Variants in FSIP1 observed in about 807,000 individuals in gnomAD.
The protein encoded by FSIP1 is fibrous sheath interacting protein 1, also known as fibrous sheath-interacting protein 1.
Under a neutral mutation model 60.9 loss-of-function variants are expected in FSIP1, and 65 were observed. That is an observed-to-expected ratio of 1.07 (90% confidence interval 0.87 to 1.31). The LOEUF (loss-of-function observed/expected upper bound fraction) is 1.31. Ranked by LOEUF, FSIP1 falls within the 40% of genes most tolerant of loss-of-function variation. The pLI is 0.00. For missense variants in FSIP1, 675 were observed against 665.5 expected (o/e 1.01, Z -0.16); for synonymous variants, 209 against 221.2 (o/e 0.94, Z 0.49).
chr15:39,756,240 TTTC>T (rs1372494907), intron 5 of FSIP1, among the ~76,000 whole-genome samples: 13 of 152,272 alleles, frequency 8.5e-5, no homozygotes, highest in Admixed American at 5.9e-4. Context: ...CCACAGTTAT[TTTC>T]TTCATTTATT....
In FSIP1 at chr15:39,690,680, G is replaced by A. The variant is rs376550395; in HGVS notation, c.1188+22764C>T. 3.3e-5 allele frequency among the ~76,000 whole-genome samples: 5 copies of A among 152,264 alleles called. 1 individual carries two copies. The highest frequency in any genetic ancestry group is 6.5e-5 in the Admixed American group (1 of 15,296). Reference sequence around the variant, plus strand: ...CTGCAGCTCCTGGTAAAACCATAGAGTTGTTACTTTTGTCCATTGCTGCCA... The same window carrying A: ...CTGCAGCTCCTGGTAAAACCATAGAATTGTTACTTTTGTCCATTGCTGCCA... On this transcript the variant is annotated intron_variant, in intron 10 of 11. Transcript: ENST00000350221.
At chr15:39,782,578 G>C (rs1157373953) in intron 1 of FSIP1, 50 bp downstream of exon 1, 2 of 146,242 alleles carry the variant, frequency 1.4e-5, no homozygotes, top group Non-Finnish European at 3.0e-5. Context: ...CCCACTCCTC[G>C]GCGCACCGCC....
At chr15:39,678,390 A>T (rs888589406) in intron 10 of FSIP1, among the ~76,000 whole-genome samples, 5 of 152,172 alleles carry the variant, frequency 3.3e-5, no homozygotes, top group African/African-American at 1.2e-4. Flanking sequence ...GGAAAAGGAA[A>T]ATACACAAAT....
chr15:39,662,838 TC>T (rs1372229178), intron 10 of FSIP1, among the ~76,000 whole-genome samples: 1 of 152,064 alleles, frequency 6.6e-6, no homozygotes, highest in East Asian at 1.9e-4. Context: ...GGCAAACAAT[TC>T]ACTTCTAATT....
chr15:39,604,177 C>T (rs1442540189), intron 11 of FSIP1, among the ~76,000 whole-genome samples: 1 of 152,200 alleles, frequency 6.6e-6, no homozygotes, highest in Non-Finnish European at 1.5e-5. Flanking sequence ...GTGATCTGCC[C>T]GCCTGGGCCT....
chr15:39,758,931 C>G (rs903879197), intron 5 of FSIP1, among the ~76,000 whole-genome samples: 2 of 151,892 alleles, frequency 1.3e-5, no homozygotes, highest in African/African-American at 4.8e-5. Flanking sequence ...GGGGAAATGA[C>G]AGATTATCCA....
At chr15:39,739,600 A>T (rs536753251) in intron 7 of FSIP1, 65 bp downstream of exon 7, 1 of 1,433,494 alleles carries the variant, frequency 7.0e-7, no homozygotes, top group African/African-American at 1.4e-5. Context: ...ACTGAACAAA[A>T]CTATTGCCAT....
chr15:39,653,438 C>G (rs1284314559), intron 10 of FSIP1, among the ~76,000 whole-genome samples: 3 of 152,020 alleles, frequency 2.0e-5, no homozygotes, highest in African/African-American at 7.2e-5. Context: ...TTTTTTAAAA[C>G]TTTTTTACTG....
intron 10 of FSIP1, among the ~76,000 whole-genome samples, chr15:39,653,938 T>G (rs562313593): frequency 6.6e-6 from 1 of 152,322 alleles, no homozygotes; most frequent in Admixed American, 6.5e-5. Flanking sequence ...TTTTTTACTT[T>G]TAAATGGTAC....
At position 39,618,173 on chromosome 15, in the gene FSIP1, A is replaced by AT. The variant is rs764007914; in HGVS notation, c.1260dup (p.Ser421IlefsTer4). ...CTTTCTGAAGAAAGTTTAATGATGG[A>AT]TTTTTGTTTAAGTATGCATTCATCC... On this transcript the variant is annotated frameshift_variant, in exon 11 of 12. Coordinates refer to ENST00000350221, the MANE Select transcript of FSIP1 (RefSeq NM_152597.5). LOFTEE classifies it high-confidence loss of function. 6.2e-5 allele frequency: 100 copies of AT among 1,613,866 alleles called. No homozygotes were observed. Among genetic ancestry groups the AT allele is most frequent in the Non-Finnish European group, 8.4e-5 (99 of 1,179,916 alleles).
At chr15:39,629,291 C>T (rs1170446194) in intron 10 of FSIP1, among the ~76,000 whole-genome samples, 3 of 152,228 alleles carry the variant, frequency 2.0e-5, no homozygotes, top group Admixed American at 6.5e-5. Context: ...TATCATCTAT[C>T]ATCGCCCTCG....
intron 10 of FSIP1, among the ~76,000 whole-genome samples, chr15:39,644,921 CA>C (rs1230146618): frequency 6.6e-6 from 1 of 152,162 alleles, no homozygotes. Flanking sequence ...GTGAGCTGAA[CA>C]ATCATCAGGC....
intron 1 of FSIP1, among the ~76,000 whole-genome samples, chr15:39,779,844 G>A (rs958651437): frequency 1.3e-5 from 2 of 152,190 alleles, no homozygotes; most frequent in African/African-American, 4.8e-5. Flanking sequence ...TTGGTATTTT[G>A]AGGTGAATAA....
chr15:39,633,237 G>A (rs532018530), intron 10 of FSIP1, among the ~76,000 whole-genome samples: 2 of 151,594 alleles, frequency 1.3e-5, no homozygotes, highest in African/African-American at 4.8e-5. Flanking sequence ...CTATAGGCAC[G>A]CACCATTGCG....
chr15:39,736,631 A>T (rs1356057672), intron 8 of FSIP1, among the ~76,000 whole-genome samples: 1 of 152,190 alleles, frequency 6.6e-6, no homozygotes, highest in East Asian at 1.9e-4. Flanking sequence ...GGCCACAGGG[A>T]TCACTGCACA....
intron 10 of FSIP1, among the ~76,000 whole-genome samples, chr15:39,710,658 T>G (rs16969664): frequency 0.12 from 18,884 of 152,074 alleles, 1,393 homozygotes; most frequent in African/African-American, 0.2. Context: ...GAAAAGGAAA[T>G]CAAGTCTCAG....
chr15:39,615,993 G>A (rs1891217007), intron 11 of FSIP1, among the ~76,000 whole-genome samples: 1 of 152,116 alleles, frequency 6.6e-6, no homozygotes, highest in Admixed American at 6.5e-5. Context: ...GATAGATAAT[G>A]TAAATTAGCT....
rs764313047 is a variant in FSIP1, at chr15:39,617,991, G to A, written c.1443C>T (p.Gly481=). ...LESEECEASK[G]YYLTKALTGH... is the part of the protein sequence containing the mutation. ...CAGTCAAGGCTTTAGTGAGATAGTA[G>A]CCTTTAGAAGCTTCACATTCTTCAC... The change falls in exon 11 of 12, where the codon GGC becomes GGT. Residue 481 remains glycine (G), a synonymous_variant. Coordinates refer to ENST00000350221, the MANE Select transcript of FSIP1 (RefSeq NM_152597.5). The A allele has an allele frequency of 6.2e-7, 1 of 1,614,172 alleles. No homozygotes were observed. The highest frequency in any genetic ancestry group is 8.5e-7 in the Non-Finnish European group (1 of 1,180,026).
intron 2 of FSIP1, among the ~76,000 whole-genome samples, chr15:39,771,976 T>C (rs1033374609): frequency 2.0e-5 from 3 of 152,148 alleles, no homozygotes; most frequent in Admixed American, 6.5e-5. Flanking sequence ...GGGTTTCACA[T>C]GGGGGAATAA....
Sources: gnomAD v4.1 joint callset for allele counts (sites outside exome capture counted in the v4.1 genomes callset) on GRCh38, gnomAD v4.1.1 for gene constraint, MANE v1.5 for transcripts, NCBI Gene and HGNC (gene_info 2026-07-23, HGNC 2026-07-21) for gene names.